The following PIGU variants were observed in gnomAD, a reference collection of about 807,000 sequenced individuals.
The protein encoded by PIGU is phosphatidylinositol glycan anchor biosynthesis class U, also known as GPI-anchor transamidase component PIGU.
Under a neutral mutation model 49.9 loss-of-function variants are expected in PIGU, and 24 were observed. The observed-to-expected ratio is 0.48, with a 90% CI of 0.35 to 0.68. The LOEUF (loss-of-function observed/expected upper bound fraction) is 0.68, where lower values mean the gene tolerates loss of function less well. Among genes scored for constraint, PIGU ranks in the 30% least tolerant of loss-of-function variants. PIGU has a pLI of 0.01. For synonymous variants in PIGU, 220 were observed against 205.7 expected (o/e 1.07, Z -0.59); for missense variants, 490 against 532.6 (o/e 0.92, Z 0.79).
chr20:34,662,335 A>AGTGCTGGAATTACAGTG (rs989780727), intron 1 of PIGU, among the ~76,000 whole-genome samples: 1 of 151,040 alleles, frequency 6.6e-6, no homozygotes, highest in Non-Finnish European at 1.5e-5. Context: ...AGCCTCCCAA[A>AGTGCTGGAATTACAGTG]GTGCTGGAAT....
At chr20:34,661,198 T>C (rs1986916476) in intron 1 of PIGU, among the ~76,000 whole-genome samples, 1 of 152,162 alleles carries the variant, frequency 6.6e-6, no homozygotes, top group East Asian at 1.9e-4. Flanking sequence ...CTCTTGGCTT[T>C]TACTTATTTT....
At position 34,588,606 on chromosome 20, in the gene PIGU, C is replaced by T. The variant is rs751674948; in HGVS notation, c.629G>A (p.Arg210Gln). The change falls in exon 8 of 12, where the codon CGG becomes CAG. Residue 210 changes from arginine (R) to glutamine (Q), a missense_variant and splice_region_variant. Coordinates refer to ENST00000217446, the MANE Select transcript of PIGU (RefSeq NM_080476.5). ...FVPGLLYLLQ[R>Q]QYIPVKMKSK... Reference sequence around the variant, plus strand: ...CTTCATTTTCACAGGTATGTACTGCCGCTGGAGAGAAGGCAAAGTGATATA... The same window carrying T: ...CTTCATTTTCACAGGTATGTACTGCTGCTGGAGAGAAGGCAAAGTGATATA... 1.1e-5 allele frequency: 17 copies of T among 1,611,190 alleles called. No homozygotes were observed. The highest frequency in any genetic ancestry group is 3.3e-5 in the South Asian group (3 of 90,496).
Position 34,560,787 on chromosome 20 carries a change from G to T in PIGU, c.*79C>A. ...CTTCTGCCCAAGCACTCGCCTGCTGGCAACTCTGGCTGGAGGGCTTGGCCC... is the reference window on the plus strand; with the variant it reads ...CTTCTGCCCAAGCACTCGCCTGCTGTCAACTCTGGCTGGAGGGCTTGGCCC... On this transcript the variant is annotated 3_prime_UTR_variant, in exon 12 of 12. Coordinates refer to ENST00000217446, the MANE Select transcript of PIGU (RefSeq NM_080476.5). The T allele has an allele frequency of 9.1e-7, 1 of 1,099,012 alleles. No homozygotes were observed. The highest frequency in any genetic ancestry group is 1.3e-6 in the Non-Finnish European group (1 of 791,836). 68.1% of individuals were successfully genotyped at this position (1,099,012 alleles called of 1,614,324 possible). A position where few individuals can be genotyped will look rare whatever the true frequency, so the allele number is the denominator to read the frequency against.
chr20:34,666,854 G>T lies in PIGU; in HGVS notation c.131-9610C>A, dbSNP rs561299944. ...TGGGACTCCAGGCGCCTGCCACCAC[G>T]CCAGGCTAATTTTTTTTGTATTTTT... On this transcript the variant is annotated intron_variant, in intron 1 of 11. Transcript: ENST00000217446. Among the ~76,000 whole-genome samples, 257 of 151,932 alleles carry T rather than the reference G, an allele frequency of 1.7e-3. 1 individual carries two copies. The highest frequency in any genetic ancestry group is 2.8e-3 in the Admixed American group (43 of 15,238).
At chr20:34,618,401 T>A (rs1474016721) in intron 6 of PIGU, among the ~76,000 whole-genome samples, 2 of 152,180 alleles carry the variant, frequency 1.3e-5, no homozygotes. Context: ...TGGTCCAAGA[T>A]ATAAAGCCCA....
intron 6 of PIGU, among the ~76,000 whole-genome samples, chr20:34,626,300 A>T (rs1016480997): frequency 7.0e-6 from 1 of 142,152 alleles, no homozygotes; most frequent in Non-Finnish European, 1.5e-5. Context: ...TTAAAACTCC[A>T]AACTTTTTTT....
Position 34,581,569 on chromosome 20 carries a change from C to G in PIGU, c.1030G>C (p.Val344Leu). 6.2e-7 allele frequency: 1 copy of G among 1,613,534 alleles called. No individual in the cohort carries two copies. The highest frequency in any genetic ancestry group is 8.5e-7 in the Non-Finnish European group (1 of 1,179,852). Residue 344 changes from valine (V) to leucine (L), a missense_variant, in exon 10 of 12, where the codon GTG becomes CTG. Transcript: ENST00000217446. ...TCACATCTGTAGAGATGGTTCCACA[C>G]GGGGAAGAAGGCCATGTAGAGCGCC... ...DVALYMAFFPVWNHLYRFLRN... is the reference protein window; with the variant it reads ...DVALYMAFFPLWNHLYRFLRN...
chr20:34,659,016 C>A (rs1986820271), intron 1 of PIGU, among the ~76,000 whole-genome samples: 1 of 148,080 alleles, frequency 6.8e-6, no homozygotes. Flanking sequence ...GCCCGGCCAC[C>A]CCCTACTGGG....
intron 2 of PIGU, among the ~76,000 whole-genome samples, chr20:34,655,548 C>A (rs1986676592): frequency 8.3e-6 from 1 of 120,104 alleles, no homozygotes; most frequent in African/African-American, 3.1e-5. Flanking sequence ...GTCACGGGCA[C>A]CTGTGGTCCC....
At chr20:34,609,483 GCCT>G (rs779904426) in intron 7 of PIGU, among the ~76,000 whole-genome samples, 1 of 151,900 alleles carries the variant, frequency 6.6e-6, no homozygotes, top group Non-Finnish European at 1.5e-5. Flanking sequence ...TCTTGCCTCA[GCCT>G]CCTGAGTAGC....
At chr20:34,671,323 G>A (rs1333214759) in intron 1 of PIGU, among the ~76,000 whole-genome samples, 2 of 151,730 alleles carry the variant, frequency 1.3e-5, no homozygotes, top group Non-Finnish European at 2.9e-5. Flanking sequence ...GTGCAATGGC[G>A]CGATCTCGGC....
Position 34,676,942 on chromosome 20 carries a change from G to T in PIGU, c.130+14C>A. On this transcript the variant is annotated intron_variant, in intron 1 of 11. Coordinates refer to ENST00000217446, the MANE Select transcript of PIGU (RefSeq NM_080476.5). ...AGGTGGGGCCTGACAGTCTGCTCGA[G>T]CCAGTGGCCTCACCTCTCTTCCAAG... The T allele has an allele frequency of 6.4e-7, 1 of 1,563,932 alleles. No homozygotes were observed. The highest frequency in any genetic ancestry group is 2.3e-5 in the East Asian group (1 of 42,904).
At chr20:34,657,306 G>A in intron 1 of PIGU, 62 bp from the exon 2 acceptor site, 1 of 1,258,212 alleles carries the variant, frequency 7.9e-7, no homozygotes, top group Non-Finnish European at 1.2e-6. Flanking sequence ...CAAATTGTTA[G>A]ATACCCCCAC....
intron 6 of PIGU, among the ~76,000 whole-genome samples, chr20:34,625,777 G>A (rs996554090): frequency 6.6e-6 from 1 of 150,814 alleles, no homozygotes; most frequent in Non-Finnish European, 1.5e-5. Flanking sequence ...AGGCATGGTG[G>A]TGCATGCCTG....
At chr20:34,654,184 C>T (rs1374115039) in intron 2 of PIGU, among the ~76,000 whole-genome samples, 1 of 91,758 alleles carries the variant, frequency 1.1e-5, no homozygotes, top group Non-Finnish European at 2.3e-5. Context: ...GTCTCTTGGC[C>T]GGGCACGGTG....
chr20:34,634,836 A>ATCG, intron 5 of PIGU, 121 bp from the exon 6 acceptor site: 1 of 1,434,102 alleles, frequency 7.0e-7, no homozygotes, highest in Non-Finnish European at 9.2e-7. Flanking sequence ...CTTCTCAGAA[A>ATCG]TGAGTTCCCC....
chr20:34,615,935 A>G, intron 7 of PIGU, 107 bp downstream of exon 7: 1 of 1,429,906 alleles, frequency 7.0e-7, no homozygotes. Flanking sequence ...ACTGGGAGCA[A>G]GCTTCCCACT....
chr20:34,630,302 T>G (rs2146755232), intron 6 of PIGU, among the ~76,000 whole-genome samples: 1 of 152,070 alleles, frequency 6.6e-6, no homozygotes, highest in Admixed American at 6.6e-5. Flanking sequence ...TGAGGAGAGG[T>G]GTGGGCTGAA....
At chr20:34,659,268 C>G (rs1189559161) in intron 1 of PIGU, among the ~76,000 whole-genome samples, 25 of 102,472 alleles carry the variant, frequency 2.4e-4, no homozygotes, top group East Asian at 6.0e-4. Flanking sequence ...GTCAGCCCCC[C>G]GCCCGGCCAG....
Sources: gnomAD v4.1 joint callset for allele counts (sites outside exome capture counted in the v4.1 genomes callset) on GRCh38, gnomAD v4.1.1 for gene constraint, MANE v1.5 for transcripts, NCBI Gene and HGNC (gene_info 2026-07-23, HGNC 2026-07-21) for gene names.